Variants in C11orf65 observed in about 807,000 individuals in gnomAD.
The protein encoded by C11orf65 is protein MFI.
A neutral mutation model predicts 35.3 loss-of-function variants in C11orf65; 38 were observed. The observed-to-expected ratio is 1.08, with a 90% confidence interval of 0.83 to 1.41. The LOEUF (loss-of-function observed/expected upper bound fraction) is 1.41, where lower values mean the gene tolerates loss of function less well. Ranked by LOEUF, C11orf65 falls within the 40% of genes most tolerant of loss-of-function variation. The pLI is 0.00. For missense variants in C11orf65, 370 were observed against 367.1 expected, an observed-to-expected ratio of 1.01 and a Z score of -0.06; for synonymous variants, 105 against 114.4, an observed-to-expected ratio of 0.92 and a Z score of 0.53.
chr11:108,403,098 T>C (rs1416294245), intron 6 of C11orf65, among the ~76,000 whole-genome samples: 1 of 152,180 alleles, frequency 6.6e-6, no homozygotes, highest in African/African-American at 2.4e-5. Context: ...TGGGTAAGCA[T>C]GTAGGGGTGG....
Position 108,332,432 on chromosome 11 carries a change from CAAAT to C in C11orf65, c.300-869_300-866del, listed in dbSNP as rs578006120. On this transcript the variant is annotated intron_variant, in intron 3 of 3. Transcript: ENST00000524755. ...GGGCAACAAGAGCGAAACTCTGTCT[CAAAT>C]TAATTAATTAATTAATTAATTAAAA... 1.4e-3 allele frequency among the ~76,000 whole-genome samples: 219 copies of C among 151,256 alleles called. 1 individual carries two copies. The highest frequency in any genetic ancestry group is 3.4e-3 in the Middle Eastern group (1 of 294).
At chr11:108,422,329 T>C (rs2092831225) in intron 3 of C11orf65, among the ~76,000 whole-genome samples, 1 of 152,152 alleles carries the variant, frequency 6.6e-6, no homozygotes, top group South Asian at 2.1e-4. Context: ...TATGTGGAAA[T>C]AAAAAGCATT....
chr11:108,324,548 T>G (rs529045795), intron 6 of C11orf65, among the ~76,000 whole-genome samples: 1 of 152,116 alleles, frequency 6.6e-6, no homozygotes, highest in Non-Finnish European at 1.5e-5. Context: ...TGAGACCTGC[T>G]GTGGTAGGGT....
At chr11:108,345,256 A>G (rs560241634) in intron 2 of C11orf65, among the ~76,000 whole-genome samples, 2 of 152,346 alleles carry the variant, frequency 1.3e-5, no homozygotes, top group African/African-American at 4.8e-5. Flanking sequence ...TCATCAGCAC[A>G]TAGATGGAAG....
At chr11:108,431,079 T>C (rs2092982957) in intron 3 of C11orf65, among the ~76,000 whole-genome samples, 1 of 152,022 alleles carries the variant, frequency 6.6e-6, no homozygotes, top group Non-Finnish European at 1.5e-5. Context: ...AAATATAAAT[T>C]AGTACAATAG....
At chr11:108,369,993 C>A (rs2091509155) in intron 2 of C11orf65, among the ~76,000 whole-genome samples, 1 of 152,060 alleles carries the variant, frequency 6.6e-6, no homozygotes, top group South Asian at 2.1e-4. Flanking sequence ...ACATCTTTTC[C>A]AATTCTGTAG....
At position 108,365,537 on chromosome 11, in the gene C11orf65, C is replaced by G. The variant is rs3218711; in HGVS notation, c.226+27671G>C. ...TCAGTATATGAATTACCCTTTCATT[C>G]AGCCTTTAGAAATTATATTTTAGCC... On this transcript the variant is annotated intron_variant, in intron 2 of 3. Transcript: ENST00000524755. 6.8e-3 allele frequency: 10,912 copies of G among 1,607,046 alleles called. 41 individuals are homozygous for G. The highest frequency in any genetic ancestry group is 7.8e-3 in the African/African-American group (580 of 74,834).
chr11:108,335,849 G>GTGA (rs1565543179), intron 2 of C11orf65: 1 of 1,612,514 alleles, frequency 6.2e-7, no homozygotes, highest in Non-Finnish European at 8.5e-7. Flanking sequence ...CTGAAGGGCC[G>GTGA]TGATGACCTG....
At chr11:108,370,269 A>G (rs2091520894) in intron 2 of C11orf65, among the ~76,000 whole-genome samples, 1 of 152,074 alleles carries the variant, frequency 6.6e-6, no homozygotes, top group Non-Finnish European at 1.5e-5. Context: ...GTTTTTACAT[A>G]TTGATTTTTC....
chr11:108,445,313 T>C (rs1379325556), intron 2 of C11orf65, among the ~76,000 whole-genome samples: 1 of 152,184 alleles, frequency 6.6e-6, no homozygotes, highest in East Asian at 1.9e-4. Context: ...CCTCCTCAAG[T>C]GGGTCCCTGA....
At chr11:108,452,165 T>G (rs1171605162) in intron 2 of C11orf65, among the ~76,000 whole-genome samples, 1 of 151,982 alleles carries the variant, frequency 6.6e-6, no homozygotes, top group East Asian at 1.9e-4. Context: ...GGGATCTAAT[T>G]AAACTAAAGA....
intron 2 of C11orf65, among the ~76,000 whole-genome samples, chr11:108,352,550 T>C (rs1158549461): frequency 1.3e-5 from 2 of 152,076 alleles, no homozygotes; most frequent in Non-Finnish European, 2.9e-5. Flanking sequence ...AAAAGAACAA[T>C]CTTTAAGAAC....
rs143548899 is a variant in C11orf65 at position 108,317,247 on chromosome 11, G to A, written c.641-8176C>T. On this transcript the variant is annotated intron_variant, in intron 6 of 6. Transcript: ENST00000525729. ...AGCCACCACACCCAGCTGATATTTT[G>A]GGATTTTAAATGATATTGTGAACTA... 76 of 959,336 alleles carry A rather than the reference G, an allele frequency of 7.9e-5. No homozygotes were observed. In the African/African-American group the frequency reaches 1.1e-3, roughly 14 times the overall value. The allele number at this position is 959,336 out of a possible 1,614,324, so 59.4% of individuals were successfully genotyped here.
intron 7 of C11orf65, among the ~76,000 whole-genome samples, chr11:108,387,265 C>T (rs1457473862): frequency 6.8e-6 from 1 of 146,244 alleles, no homozygotes; most frequent in Non-Finnish European, 1.5e-5. Context: ...AGAGATTCTC[C>T]TGCCTCAGCC....
At chr11:108,427,440 G>A (rs557903469) in intron 3 of C11orf65, among the ~76,000 whole-genome samples, 6 of 136 alleles carry the variant, frequency 0.044, no homozygotes, top group East Asian at 0.36. Context: ...TAAAAAGCTC[G>A]GCCGGGCGCG....
intron 6 of C11orf65, among the ~76,000 whole-genome samples, chr11:108,404,868 C>T (rs1168519168): frequency 1.3e-5 from 2 of 152,120 alleles, no homozygotes; most frequent in Non-Finnish European, 2.9e-5. Flanking sequence ...TGTTGGGATT[C>T]GATCAGGCTG....
chr11:108,312,274 G>A (rs1478394608), intron 6 of C11orf65: 2 of 680,076 alleles, frequency 2.9e-6, no homozygotes, highest in African/African-American at 1.8e-5. Flanking sequence ...ATGGTATTAT[G>A]TTTTAAAGTA....
At chr11:108,446,496 G>T (rs1591580200) in intron 2 of C11orf65, among the ~76,000 whole-genome samples, 1 of 151,644 alleles carries the variant, frequency 6.6e-6, no homozygotes, top group Admixed American at 6.6e-5. Context: ...TTAAAGAAAA[G>T]AATTTTCAAC....
At position 108,382,823 on chromosome 11, in the gene C11orf65, G is replaced by A; in HGVS notation, c.*198C>T. On this transcript the variant is annotated 3_prime_UTR_variant, in exon 9 of 9. Coordinates refer to ENST00000393084, the MANE Select transcript of C11orf65 (RefSeq NM_152587.5). ...ATACTACAGTTTCTCAGAATACTAG[G>A]AATAATTTCTATATTTGCCATGATC... 3.0e-6 allele frequency: 3 copies of A among 984,082 alleles called. No homozygotes were observed. The highest frequency in any genetic ancestry group is 3.6e-6 in the Non-Finnish European group (3 of 828,768). The allele number at this position is 984,082 out of a possible 1,614,324, so 61.0% of individuals were successfully genotyped here.
Sources: gnomAD v4.1 joint callset for allele counts (sites outside exome capture counted in the v4.1 genomes callset) on GRCh38, gnomAD v4.1.1 for gene constraint, MANE v1.5 for transcripts, NCBI Gene and HGNC (gene_info 2026-07-23, HGNC 2026-07-21) for gene names.